MAFG: variants seen among roughly 807,000 people sequenced by gnomAD.
The protein encoded by MAFG is transcription factor MafG.
A neutral mutation model predicts 12.2 loss-of-function variants in MAFG; 3 were observed. The observed-to-expected ratio is 0.25, with a 90% CI of 0.11 to 0.64. The LOEUF (loss-of-function observed/expected upper bound fraction) is 0.64, where lower values mean the gene tolerates loss of function less well. Among genes scored for constraint, MAFG ranks in the 30% least tolerant of loss-of-function variants. MAFG has a pLI of 0.85. For synonymous variants in MAFG, 126 were observed against 109.1 expected, an observed-to-expected ratio of 1.15 and a Z score of -0.96; for missense variants, 153 against 235.5, an observed-to-expected ratio of 0.65 and a Z score of 2.29.
At chr17:81,929,265 G>T (rs545003589), upstream of MAFG, among the ~76,000 whole-genome samples, 1 of 152,334 alleles carries the variant, frequency 6.6e-6, no homozygotes, top group Admixed American at 6.5e-5. This position sits in a 1 kb window ranked among gnomAD's most constrained non-coding sequence, Gnocchi z 5.7. Flanking sequence ...CACTGTCATA[G>T]AGATGGGCAG....
In MAFG at chr17:81,921,837, A is replaced by C. The variant is rs930257608; in HGVS notation, c.*768T>G. 2.6e-5 allele frequency: 4 copies of C among 152,022 alleles called. No individual in the cohort carries two copies. The highest frequency in any genetic ancestry group is 9.7e-5 in the African/African-American group (4 of 41,384). The allele number at this position is 152,022 out of a possible 1,614,324, so 9.4% of individuals were successfully genotyped here. On this transcript the variant is annotated 3_prime_UTR_variant, in exon 3 of 3. Coordinates refer to ENST00000357736, the MANE Select transcript of MAFG (RefSeq NM_002359.4). ...CAGCTCTTTTTTCTTTAACTTTTAA[A>C]CATATAATTAATTTAATAACTTTGT...
chr17:81,918,459 G>T lies in MAFG; in HGVS notation c.*4146C>A. On this transcript the variant is annotated 3_prime_UTR_variant, in exon 3 of 3. Coordinates refer to ENST00000357736, the MANE Select transcript of MAFG (RefSeq NM_002359.4). ...AGGCCACTGCCCTGCAAGAGGTCAG[G>T]CCCCTGCCCGCCCTACACGAAGTGT... The T allele has an allele frequency of 5.6e-6, 1 of 178,678 alleles. No individual in the cohort carries two copies. Among genetic ancestry groups the T allele is most frequent in the Non-Finnish European group, 1.2e-5 (1 of 84,760 alleles). 11.1% of individuals were successfully genotyped at this position (178,678 alleles called of 1,614,324 possible). A position where few individuals can be genotyped will look rare whatever the true frequency, so the allele number is the denominator to read the frequency against.
chr17:81,930,078 C>T (rs892248126), upstream of MAFG: 22 of 152,412 alleles, frequency 1.4e-4, no homozygotes, highest in African/African-American at 5.1e-4. The surrounding 1 kb of genome is among the most constrained non-coding windows in gnomAD (Gnocchi z 4.1). Flanking sequence ...CCCATCGGTT[C>T]CTCCTGAGAG....
chr17:81,929,909 C>G (rs931660807), upstream of MAFG: 5 of 147,822 alleles, frequency 3.4e-5, no homozygotes, highest in African/African-American at 1.4e-4. The surrounding 1 kb of genome is among the most constrained non-coding windows in gnomAD (Gnocchi z 5.7). Flanking sequence ...CGGGCACCCT[C>G]CCGCCCCAGG....
rs991857450 is a variant in MAFG at position 81,918,377 on chromosome 17, C to T, written c.*4228G>A. 1.8e-5 allele frequency: 6 copies of T among 338,176 alleles called. No homozygotes were observed. The highest frequency in any genetic ancestry group is 1.3e-4 in the African/African-American group (6 of 46,304). The allele number at this position is 338,176 out of a possible 1,614,324, so 20.9% of individuals were successfully genotyped here. A position where few individuals can be genotyped will look rare whatever the true frequency, so the allele number is the denominator to read the frequency against. On this transcript the variant is annotated 3_prime_UTR_variant, in exon 3 of 3. Coordinates refer to ENST00000357736, the MANE Select transcript of MAFG (RefSeq NM_002359.4). The stretch of plus-strand genomic sequence containing the variant: ...ACCCGGGGGGCCAGGCCCAGTGCTG[C>T]CCCTCCTGGACAATAATTTAGCAAT...
Position 81,921,860 on chromosome 17 carries a change from T to C in MAFG, c.*745A>G, listed in dbSNP as rs1187888697. Reference sequence around the variant, plus strand: ...AAACATATAATTAATTTAATAACTTTGTAAAAGGAACTTCTCTCTTTTAAA... The same window carrying C: ...AAACATATAATTAATTTAATAACTTCGTAAAAGGAACTTCTCTCTTTTAAA... On this transcript the variant is annotated 3_prime_UTR_variant, in exon 3 of 3. Transcript: ENST00000357736. 1 of 152,172 alleles carries C rather than the reference T, an allele frequency of 6.6e-6. No individual in the cohort carries two copies. The highest frequency in any genetic ancestry group is 2.4e-5 in the African/African-American group (1 of 41,432). 9.4% of individuals were successfully genotyped at this position (152,172 alleles called of 1,614,324 possible). A position where few individuals can be genotyped will look rare whatever the true frequency, so the allele number is the denominator to read the frequency against.
chr17:81,930,533 GCACACCTGTTGT>G (rs1337508837), upstream of MAFG: 2 of 151,996 alleles, frequency 1.3e-5, no homozygotes, highest in African/African-American at 4.8e-5. The surrounding 1 kb of genome is among the most constrained non-coding windows in gnomAD (Gnocchi z 4.1). Context: ...GCATGGTGGT[GCACACCTGTTGT>G]CCCAGCTATT....
At chr17:81,925,073 TG>T (rs1296416691) in intron 1 of MAFG, among the ~76,000 whole-genome samples, 1 of 152,196 alleles carries the variant, frequency 6.6e-6, no homozygotes, top group African/African-American at 2.4e-5. Context: ...TCCAGGCTCC[TG>T]GCCTGGCCTC....
intron 1 of MAFG, 42 bp from the exon 2 acceptor site, chr17:81,923,256 CG>C: frequency 2.4e-6 from 2 of 824,914 alleles, no homozygotes; most frequent in Non-Finnish European, 3.3e-6. Flanking sequence ...AGACCACCCT[CG>C]CCGCACCCCC....
At chr17:81,927,020 C>T (rs1598348731) in intron 1 of MAFG, among the ~76,000 whole-genome samples, 1 of 152,146 alleles carries the variant, frequency 6.6e-6, no homozygotes. Flanking sequence ...GAACCCGAGC[C>T]CCAGCCAGGG....
At chr17:81,923,123 C>A in intron 2 of MAFG, 27 bp downstream of exon 2, 1 of 1,612,120 alleles carries the variant, frequency 6.2e-7, no homozygotes, top group Non-Finnish European at 8.5e-7. Context: ...GACCCCAGCC[C>A]ACAGGCTCCT....
At chr17:81,928,829 G>T (rs530703263), upstream of MAFG, among the ~76,000 whole-genome samples, 72 of 152,344 alleles carry the variant, frequency 4.7e-4, no homozygotes, top group Middle Eastern at 6.8e-3. The surrounding 1 kb of genome is among the most constrained non-coding windows in gnomAD (Gnocchi z 8.1). Context: ...TCTCCTCCCT[G>T]CTCGCGTCCT....
At chr17:81,923,382 A>C in intron 1 of MAFG, 168 bp from the exon 2 acceptor site, 1 of 512,952 alleles carries the variant, frequency 1.9e-6, no homozygotes, top group East Asian at 3.4e-5. Flanking sequence ...GGCCTCTCCC[A>C]GGCTGGGCTG....
intron 1 of MAFG, 65 bp from the exon 2 acceptor site, chr17:81,923,279 C>G: frequency 1.0e-6 from 1 of 976,510 alleles, no homozygotes; most frequent in South Asian, 1.9e-5. Flanking sequence ...CCCCCCCGCC[C>G]CCGGCCCAGT....
rs2040860223 is a variant in MAFG at position 81,919,088 on chromosome 17, A to T, written c.*3517T>A. On this transcript the variant is annotated 3_prime_UTR_variant, in exon 3 of 3. Coordinates refer to ENST00000357736, the MANE Select transcript of MAFG (RefSeq NM_002359.4). ...CGACCTGCTCCAAGGCCAGACAGCCAACAGGAAGGCAAAAATACACCAAAA... is the reference window on the plus strand; with the variant it reads ...CGACCTGCTCCAAGGCCAGACAGCCTACAGGAAGGCAAAAATACACCAAAA... The T allele has an allele frequency of 6.6e-6, 1 of 152,330 alleles. No homozygotes were observed. The highest frequency in any genetic ancestry group is 6.5e-5 in the Admixed American group (1 of 15,288). 9.4% of individuals were successfully genotyped at this position (152,330 alleles called of 1,614,324 possible). A position where few individuals can be genotyped will look rare whatever the true frequency, so the allele number is the denominator to read the frequency against.
chr17:81,929,165 C>T (rs1287795064), upstream of MAFG, among the ~76,000 whole-genome samples: 2 of 152,232 alleles, frequency 1.3e-5, no homozygotes, highest in African/African-American at 4.8e-5. This position sits in a 1 kb window ranked among gnomAD's most constrained non-coding sequence, Gnocchi z 5.7. Flanking sequence ...TCATTTGCAC[C>T]TCCGCGCGAA....
rs2143800550 is a variant in MAFG at position 81,918,277 on chromosome 17, A to C, written c.*4328T>G. 1.6e-6 allele frequency: 1 copy of C among 638,316 alleles called. No individual in the cohort carries two copies. Among genetic ancestry groups the C allele is most frequent in the African/African-American group, 2.2e-5 (1 of 46,064 alleles). 39.5% of individuals were successfully genotyped at this position (638,316 alleles called of 1,614,324 possible). Reference sequence around the variant, plus strand: ...CAAAGAAGCACCTGCCAGTCTCTTTAAAAGGTTTATTGATCATATACAAAA... The same window carrying C: ...CAAAGAAGCACCTGCCAGTCTCTTTCAAAGGTTTATTGATCATATACAAAA... On this transcript the variant is annotated 3_prime_UTR_variant, in exon 3 of 3. Coordinates refer to ENST00000357736, the MANE Select transcript of MAFG (RefSeq NM_002359.4).
In MAFG at chr17:81,922,515, A is replaced by T; in HGVS notation, c.*90T>A. 1 of 1,026,524 alleles carries T rather than the reference A, an allele frequency of 9.7e-7. No homozygotes were observed. The highest frequency in any genetic ancestry group is 3.1e-5 in the East Asian group (1 of 32,746). The allele number at this position is 1,026,524 out of a possible 1,614,324, so 63.6% of individuals were successfully genotyped here. A position where few individuals can be genotyped will look rare whatever the true frequency, so the allele number is the denominator to read the frequency against. On this transcript the variant is annotated 3_prime_UTR_variant, in exon 3 of 3. Transcript: ENST00000357736. ...GAAGGGTGGGGAAGAGAGGGAGGAA[A>T]GAGAAGAGAAGGAAACAGAGGGACA...
rs1371018204 is a variant in MAFG at position 81,920,053 on chromosome 17, TG to T, written c.*2551del. ...TGGCCACCCACAGCCAGGACAAAAG[TG>T]GGGGCTGCACAAGGACAAGGAGGGC... On this transcript the variant is annotated 3_prime_UTR_variant, in exon 3 of 3. Coordinates refer to ENST00000357736, the MANE Select transcript of MAFG (RefSeq NM_002359.4). The T allele has an allele frequency of 2.0e-5, 3 of 152,048 alleles. No individual in the cohort carries two copies. Among genetic ancestry groups the T allele is most frequent in the Admixed American group, 1.3e-4 (2 of 15,260 alleles). The allele number at this position is 152,048 out of a possible 1,614,324, so 9.4% of individuals were successfully genotyped here.
Sources: allele counts gnomAD v4.1 joint callset (sites outside exome capture counted in the v4.1 genomes callset), GRCh38; gene constraint gnomAD v4.1.1; non-coding constraint Gnocchi (gnomAD v3.1); transcripts MANE v1.5; gene names NCBI Gene and HGNC (gene_info 2026-07-23, HGNC 2026-07-21).